RYR3: variants seen among roughly 807,000 people sequenced by gnomAD.
RYR3 encodes the protein ryanodine receptor 3, also known as brain ryanodine receptor-calcium release channel.
RYR3 carries 207 observed loss-of-function variants against 584.3 expected under a neutral mutation model. That is an observed-to-expected ratio of 0.35 (90% CI 0.32 to 0.40). The LOEUF is 0.40. Ranked by LOEUF, RYR3 falls within the 10% of genes least tolerant of loss-of-function variation. The pLI is 1.00. For missense variants in RYR3, 5,616 were observed against 6,089.2 expected, an observed-to-expected ratio of 0.92 and a Z score of 2.59; for synonymous variants, 2,416 against 2,248.5, an observed-to-expected ratio of 1.07 and a Z score of -2.11.
intron 8 of RYR3, 46 bp downstream of exon 8, chr15:33,543,761 A>G: frequency 4.1e-6 from 5 of 1,209,530 alleles, no homozygotes; most frequent in Non-Finnish European, 4.9e-6. Flanking sequence ...CCAGTCTCAA[A>G]TGACTCAAAC....
chr15:33,489,156 T>G (rs550689872), intron 2 of RYR3, among the ~76,000 whole-genome samples: 1 of 152,296 alleles, frequency 6.6e-6, no homozygotes, highest in East Asian at 1.9e-4. Context: ...TGCCTACAAT[T>G]TTTTTTAGAA....
At chr15:33,711,816 T>C (rs1437882296) in intron 43 of RYR3, among the ~76,000 whole-genome samples, 2 of 152,238 alleles carry the variant, frequency 1.3e-5, no homozygotes, top group Non-Finnish European at 2.9e-5. Context: ...TTCTATCATC[T>C]TCTTCTGAGC....
chr15:33,653,231 T>G (rs531901359), intron 32 of RYR3, among the ~76,000 whole-genome samples: 1 of 152,310 alleles, frequency 6.6e-6, no homozygotes, highest in Non-Finnish European at 1.5e-5. Context: ...AGATACAAGA[T>G]GTAAAGGTGA....
At chr15:33,413,999 G>A (rs1386264124) in intron 1 of RYR3, among the ~76,000 whole-genome samples, 1 of 152,162 alleles carries the variant, frequency 6.6e-6, no homozygotes, top group Non-Finnish European at 1.5e-5. Context: ...AAACATCTGA[G>A]ATACATTTAG....
chr15:33,435,347 C>G (rs934535588), intron 1 of RYR3, among the ~76,000 whole-genome samples: 2 of 152,086 alleles, frequency 1.3e-5, no homozygotes, highest in South Asian at 4.1e-4. Flanking sequence ...GTGAGTTTCA[C>G]GTATAGTGAT....
intron 3 of RYR3, among the ~76,000 whole-genome samples, chr15:33,529,124 A>G (rs1293678489): frequency 6.6e-6 from 1 of 152,234 alleles, no homozygotes; most frequent in African/African-American, 2.4e-5. Flanking sequence ...AAATACAGAA[A>G]CTAAAGTTAG....
At chr15:33,388,142 A>T (rs1234516891) in intron 1 of RYR3, among the ~76,000 whole-genome samples, 1 of 152,188 alleles carries the variant, frequency 6.6e-6, no homozygotes, top group African/African-American at 2.4e-5. Flanking sequence ...ACAAGAAAAC[A>T]TAAGAACAGG....
intron 1 of RYR3, among the ~76,000 whole-genome samples, chr15:33,410,251 T>G (rs2043309224): frequency 6.6e-6 from 1 of 152,202 alleles, no homozygotes; most frequent in Non-Finnish European, 1.5e-5. Context: ...TCAGTGGCAT[T>G]ATTGCTCCTC....
chr15:33,328,120 ATGTG>A (rs1969955764), intron 1 of RYR3, among the ~76,000 whole-genome samples: 1 of 152,230 alleles, frequency 6.6e-6, no homozygotes, highest in Non-Finnish European at 1.5e-5. Flanking sequence ...CACCTATAGC[ATGTG>A]CCAAATAAAC....
chr15:33,575,834 T>TA lies in RYR3; in HGVS notation c.1269-4130dup, dbSNP rs1555535394. 1.2e-4 allele frequency among the ~76,000 whole-genome samples: 18 copies of TA among 144,604 alleles called. No homozygotes were observed. The East Asian group carries it at 3.2e-3, about 26-fold the overall frequency. 94.9% of individuals were successfully genotyped at this position (144,604 alleles called of 152,430 possible). Reference sequence around the variant, plus strand: ...CATCAACAAATACAGGAGCTGGTTTTAAAAAAAAAAAATTAATAAAATAGA... The same window carrying TA: ...CATCAACAAATACAGGAGCTGGTTTTAAAAAAAAAAAAATTAATAAAATAGA... On this transcript the variant is annotated intron_variant, in intron 12 of 103. Transcript: ENST00000634891.
rs958500151 is a variant in RYR3, at chr15:33,810,691, G to A, written c.10197+42G>A. The A allele has an allele frequency of 2.5e-6, 4 of 1,611,834 alleles. No homozygotes were observed. The African/African-American group carries it at 5.3e-5, about 22-fold the overall frequency. On this transcript the variant is annotated intron_variant, in intron 71 of 103. Transcript: ENST00000634891. ...CCTGGGCTGAGTGTGTGATCCACATGGTGCAGTGATAAGCATTCAGCCCCT... is the reference window on the plus strand; with the variant it reads ...CCTGGGCTGAGTGTGTGATCCACATAGTGCAGTGATAAGCATTCAGCCCCT...
At chr15:33,696,184 G>A in intron 38 of RYR3, 34 bp from the exon 39 acceptor site, 2 of 1,587,106 alleles carry the variant, frequency 1.3e-6, no homozygotes, top group African/African-American at 1.3e-5. Flanking sequence ...AGCCATGACA[G>A]CCACAGTCCT....
intron 19 of RYR3, among the ~76,000 whole-genome samples, chr15:33,614,025 C>A (rs961865184): frequency 1.3e-5 from 2 of 152,060 alleles, no homozygotes; most frequent in African/African-American, 4.8e-5. Flanking sequence ...AATTATGTGG[C>A]CAAATTGATT....
chr15:33,494,710 G>A (rs1451551896), intron 2 of RYR3, among the ~76,000 whole-genome samples: 1 of 152,118 alleles, frequency 6.6e-6, no homozygotes, highest in Non-Finnish European at 1.5e-5. Context: ...GCATCTTACT[G>A]TGTACATATA....
In RYR3 at chr15:33,865,306, T is replaced by A; in HGVS notation, c.*80T>A. 1 of 929,896 alleles carries A rather than the reference T, an allele frequency of 1.1e-6. No homozygotes were observed. The highest frequency in any genetic ancestry group is 1.7e-6 in the Non-Finnish European group (1 of 603,076). 57.6% of individuals were successfully genotyped at this position (929,896 alleles called of 1,614,324 possible). A position where few individuals can be genotyped will look rare whatever the true frequency, so the allele number is the denominator to read the frequency against. On this transcript the variant is annotated 3_prime_UTR_variant, in exon 104 of 104. Transcript: ENST00000634891. ...GTCCCCTTTTTACAGTTCTGCAACA[T>A]ATCTGAAATGTGACATTTTCTAAAT...
intron 42 of RYR3, among the ~76,000 whole-genome samples, chr15:33,702,500 A>G (rs147160182): frequency 6.6e-6 from 1 of 152,166 alleles, no homozygotes; most frequent in Non-Finnish European, 1.5e-5. Flanking sequence ...AGTTCAGCCC[A>G]TGTTTTCCTC....
intron 38 of RYR3, among the ~76,000 whole-genome samples, chr15:33,679,909 T>C (rs1353712280): frequency 6.6e-6 from 1 of 152,222 alleles, no homozygotes; most frequent in Non-Finnish European, 1.5e-5. Flanking sequence ...CATCTAGATA[T>C]TATAATATAA....
intron 99 of RYR3, chr15:33,858,993 C>G (rs2080039068): frequency 1.3e-5 from 2 of 152,628 alleles, no homozygotes; most frequent in Admixed American, 1.3e-4. Context: ...TTTTGATTTT[C>G]CAGGTGTAAG....
At position 33,311,782 on chromosome 15, in the gene RYR3, A is replaced by G. The variant is rs1967347193; in HGVS notation, c.51+686A>G. Among the ~76,000 whole-genome samples the G allele has an allele frequency of 6.6e-6, 1 of 152,114 alleles. No individual in the cohort carries two copies. Among genetic ancestry groups the G allele is most frequent in the South Asian group, 2.1e-4 (1 of 4,820 alleles). ...CCCGCGAGCCCCGCAGGACAGGGAA[A>G]CCCCAGTCAGTGGCTCCGCGTCACT... is the stretch of plus-strand genomic sequence containing the variant. On this transcript the variant is annotated intron_variant, in intron 1 of 103. Transcript: ENST00000634891. The surrounding 1 kb of genome is among the most constrained non-coding windows in gnomAD (Gnocchi z 4.4).
Sources: gnomAD v4.1 joint callset for allele counts (sites outside exome capture counted in the v4.1 genomes callset) on GRCh38, gnomAD v4.1.1 for gene constraint, Gnocchi (gnomAD v3.1) non-coding constraint, MANE v1.5 for transcripts, NCBI Gene and HGNC (gene_info 2026-07-23, HGNC 2026-07-21) for gene names.